FOXP2: variants seen among roughly 807,000 people sequenced by gnomAD.
FOXP2 encodes the protein forkhead box P2.
In FOXP2, 12 loss-of-function variants were observed where a neutral mutation model predicts 115.8. The observed-to-expected ratio is 0.10, with a 90% CI of 0.07 to 0.17. The LOEUF is 0.17. Among genes scored for constraint, FOXP2 ranks in the 10% least tolerant of loss-of-function variants. The probability of loss-of-function intolerance (pLI) is 1.00; values close to 1 mark genes in which losing one functional copy is unlikely to be tolerated. For missense variants in FOXP2, 629 were observed against 843.5 expected, an observed-to-expected ratio of 0.75 and a Z score of 3.15; for synonymous variants, 328 against 297.7, an observed-to-expected ratio of 1.10 and a Z score of -1.05.
At chr7:114,535,558 G>T (rs571645762) in intron 3 of FOXP2, among the ~76,000 whole-genome samples, 1 of 151,456 alleles carries the variant, frequency 6.6e-6, no homozygotes, top group South Asian at 2.1e-4. Flanking sequence ...ATTTTTTATG[G>T]CCCAGCTGTC....
At chr7:114,212,047 C>T (rs1331136687) in intron 1 of FOXP2, among the ~76,000 whole-genome samples, 2 of 147,870 alleles carry the variant, frequency 1.4e-5, no homozygotes, top group Non-Finnish European at 3.0e-5. Context: ...CCAGCCTGGG[C>T]GACTGGAGCG....
At chr7:114,564,883 A>C (rs1800929898) in intron 3 of FOXP2, among the ~76,000 whole-genome samples, 1 of 151,776 alleles carries the variant, frequency 6.6e-6, no homozygotes, top group Non-Finnish European at 1.5e-5. Flanking sequence ...CCTGTCAAAA[A>C]AAAAAAAAAA....
intron 3 of FOXP2, among the ~76,000 whole-genome samples, chr7:114,581,075 GCACACACA>G (rs3028257): frequency 4.8e-5 from 7 of 144,664 alleles, no homozygotes; most frequent in African/African-American, 1.5e-4. Context: ...ATAAACACAT[GCACACACA>G]CACACACACA....
intron 1 of FOXP2, among the ~76,000 whole-genome samples, chr7:114,098,941 C>T (rs911832102): frequency 6.6e-6 from 1 of 152,108 alleles, no homozygotes; most frequent in African/African-American, 2.4e-5. Flanking sequence ...AGTGGGATCA[C>T]ATGGGCAACA....
chr7:114,176,286 TTCTTTCTTTCTTTCTC>T (rs1184405010), intron 1 of FOXP2, among the ~76,000 whole-genome samples: 1 of 41,000 alleles, frequency 2.4e-5, no homozygotes, highest in Non-Finnish European at 6.7e-5. Flanking sequence ...CTTTCTTTCT[TTCTTTCTTTCTTTCTC>T]TCTCTCTCTC....
intron 1 of FOXP2, among the ~76,000 whole-genome samples, chr7:114,278,883 A>G (rs1241637279): frequency 2.0e-5 from 3 of 152,172 alleles, no homozygotes; most frequent in Non-Finnish European, 2.9e-5. Flanking sequence ...GACCCAGTGC[A>G]TGCCAATGCC....
chr7:114,375,371 C>T (rs1792114503), intron 2 of FOXP2, among the ~76,000 whole-genome samples: 1 of 152,136 alleles, frequency 6.6e-6, no homozygotes, highest in Non-Finnish European at 1.5e-5. Flanking sequence ...TGTTTAGCCA[C>T]TTACTGTGGA....
At chr7:114,348,147 T>C (rs570702111) in intron 2 of FOXP2, among the ~76,000 whole-genome samples, 6 of 152,240 alleles carry the variant, frequency 3.9e-5, no homozygotes, top group African/African-American at 1.4e-4. Context: ...ATAGCAAGAA[T>C]TGTTATGGAT....
rs577799241 is a variant in FOXP2 at position 114,633,061 on chromosome 7, G to A, written c.775+1356G>A. On this transcript the variant is annotated intron_variant, in intron 6 of 16. Coordinates refer to ENST00000350908, the MANE Select transcript of FOXP2 (RefSeq NM_014491.4). Reference sequence around the variant, plus strand: ...AGAAAAAATATTGTTTTTGTTTTCAGTCAAGTTCAAATGAAATCTGTATTT... The same window carrying A: ...AGAAAAAATATTGTTTTTGTTTTCAATCAAGTTCAAATGAAATCTGTATTT... 8.5e-5 allele frequency among the ~76,000 whole-genome samples: 13 copies of A among 152,104 alleles called. No homozygotes were observed. The South Asian group carries it at 2.7e-3, about 32-fold the overall frequency.
At chr7:114,169,897 C>G (rs1008515007) in intron 1 of FOXP2, among the ~76,000 whole-genome samples, 2 of 152,140 alleles carry the variant, frequency 1.3e-5, no homozygotes, top group Admixed American at 1.3e-4. Context: ...CATGCACAAG[C>G]TCTCTCTTTG....
At chr7:114,620,888 G>C (rs975591653) in intron 3 of FOXP2, among the ~76,000 whole-genome samples, 2 of 151,560 alleles carry the variant, frequency 1.3e-5, no homozygotes, top group African/African-American at 2.4e-5. Flanking sequence ...TAAAAGTTAT[G>C]GGAAATGTTA....
At chr7:114,342,354 T>A (rs1455237507) in intron 2 of FOXP2, among the ~76,000 whole-genome samples, 1 of 151,410 alleles carries the variant, frequency 6.6e-6, no homozygotes, top group Non-Finnish European at 1.5e-5. Context: ...TACTTAAACA[T>A]AAAAGTTTAT....
chr7:114,634,942 A>C (rs925127749), intron 6 of FOXP2, among the ~76,000 whole-genome samples: 1 of 152,038 alleles, frequency 6.6e-6, no homozygotes, highest in Non-Finnish European at 1.5e-5. Context: ...ATTTTCTGTC[A>C]CTCCAAGTTT....
intron 3 of FOXP2, among the ~76,000 whole-genome samples, chr7:114,616,492 A>G (rs1045094368): frequency 3.3e-5 from 5 of 152,092 alleles, no homozygotes; most frequent in East Asian, 1.9e-4. Flanking sequence ...ATATTTTTCA[A>G]TGGAAGGGAC....
intron 1 of FOXP2, among the ~76,000 whole-genome samples, chr7:114,265,646 C>G (rs188687818): frequency 6.6e-6 from 1 of 151,966 alleles, no homozygotes; most frequent in Non-Finnish European, 1.5e-5. Flanking sequence ...CACACATTTC[C>G]CCTTGAAACA....
At chr7:114,603,442 T>C (rs1803140311) in intron 3 of FOXP2, among the ~76,000 whole-genome samples, 1 of 152,240 alleles carries the variant, frequency 6.6e-6, no homozygotes, top group African/African-American at 2.4e-5. Flanking sequence ...GCATGGCATT[T>C]CTGCCATCAG....
intron 2 of FOXP2, among the ~76,000 whole-genome samples, chr7:114,533,063 A>T (rs1333523037): frequency 6.6e-6 from 1 of 152,112 alleles, no homozygotes; most frequent in East Asian, 1.9e-4. Flanking sequence ...GGAATGTGCC[A>T]TCCTTAGAAA....
At chr7:114,360,094 G>A (rs1446529212) in intron 2 of FOXP2, among the ~76,000 whole-genome samples, 4 of 152,040 alleles carry the variant, frequency 2.6e-5, no homozygotes, top group Non-Finnish European at 4.4e-5. Context: ...TTGAATTACA[G>A]GGATGGGTTT....
chr7:114,178,399 A>T (rs971466407), intron 1 of FOXP2, among the ~76,000 whole-genome samples: 23 of 151,942 alleles, frequency 1.5e-4, no homozygotes, highest in African/African-American at 5.6e-4. Context: ...CAGTGACATT[A>T]CATACCAAGG....
Sources: gnomAD v4.1 joint callset for allele counts (sites outside exome capture counted in the v4.1 genomes callset) on GRCh38, gnomAD v4.1.1 for gene constraint, MANE v1.5 for transcripts, NCBI Gene and HGNC (gene_info 2026-07-23, HGNC 2026-07-21) for gene names.